Variants in LRRC37A2 observed in about 807,000 individuals in gnomAD.
LRRC37A2 encodes leucine rich repeat containing 37 member A2.
LRRC37A2 carries 9 observed loss-of-function variants against 68.8 expected under a neutral mutation model. That is an observed-to-expected ratio of 0.13 (90% confidence interval 0.08 to 0.23). The LOEUF is 0.23. Among genes scored for constraint, LRRC37A2 ranks in the 10% least tolerant of loss-of-function variants. LRRC37A2 has a pLI of 1.00. For missense variants in LRRC37A2, 168 were observed against 950.4 expected, an observed-to-expected ratio of 0.18 and a Z score of 10.82; for synonymous variants, 63 against 367.6, an observed-to-expected ratio of 0.17 and a Z score of 9.48.
chr17:46,725,732 G>T, the LRRC37A2 span, among the ~76,000 whole-genome samples: 3 of 152,092 alleles, frequency 2.0e-5, no homozygotes, highest in Non-Finnish European at 2.9e-5. Context: ...ATCTTGGTGT[G>T]CTGAGGTTGG....
the LRRC37A2 span, among the ~76,000 whole-genome samples, chr17:46,610,196 C>T: frequency 1.0e-5 from 1 of 97,682 alleles, no homozygotes; most frequent in Non-Finnish European, 2.2e-5. Context: ...GAACTCCTGG[C>T]CTCAAATGAT....
the LRRC37A2 span, chr17:46,770,170 C>T: frequency 7.5e-7 from 1 of 1,336,292 alleles, no homozygotes; most frequent in Non-Finnish European, 9.9e-7. Context: ...AGCTCACCAG[C>T]CCTGAGGCAA....
chr17:46,462,002 A>T, the LRRC37A2 span, among the ~76,000 whole-genome samples: 103 of 80,874 alleles, frequency 1.3e-3, 26 homozygotes, highest in African/African-American at 3.4e-3. Context: ...CATGTCAAAA[A>T]AAAAAAAAGA....
At chr17:46,931,711 C>T in the LRRC37A2 span, 1 of 351,728 alleles carries the variant, frequency 2.8e-6, no homozygotes, top group Non-Finnish European at 5.2e-6. Flanking sequence ...GATGCTTTAC[C>T]TCAAAGATGC....
the LRRC37A2 span, among the ~76,000 whole-genome samples, chr17:46,890,489 C>CACTG: frequency 2.6e-5 from 4 of 152,106 alleles, no homozygotes; most frequent in African/African-American, 9.7e-5. Flanking sequence ...CATCCCAGGA[C>CACTG]CCTCGAGGTA....
the LRRC37A2 span, among the ~76,000 whole-genome samples, chr17:46,817,381 C>CACCG: frequency 3.3e-5 from 5 of 152,092 alleles, no homozygotes; most frequent in African/African-American, 1.2e-4. Context: ...TCCCCCCGCC[C>CACCG]AGGCCAAGGC....
the LRRC37A2 span, chr17:46,818,627 C>A: frequency 6.4e-7 from 1 of 1,570,350 alleles, no homozygotes; most frequent in South Asian, 1.2e-5. Context: ...GAAGTTTGCC[C>A]GCGACCATGA....
the LRRC37A2 span, chr17:46,750,024 G>C: frequency 1.7e-6 from 2 of 1,190,760 alleles, no homozygotes; most frequent in Non-Finnish European, 2.4e-6. Flanking sequence ...CATGGGACCC[G>C]GGGATATTAC....
At chr17:46,808,314 C>A in the LRRC37A2 span, among the ~76,000 whole-genome samples, 2 of 152,228 alleles carry the variant, frequency 1.3e-5, no homozygotes, top group African/African-American at 4.8e-5. Context: ...GACACATCCC[C>A]AAATAAGAGA....
chr17:46,830,474 C>T, the LRRC37A2 span: 23 of 391,918 alleles, frequency 5.9e-5, no homozygotes, highest in South Asian at 5.8e-4. Context: ...GGCTGATCTC[C>T]AACTCTTGGG....
chr17:47,015,044 G>A, the LRRC37A2 span, among the ~76,000 whole-genome samples: 3 of 121,970 alleles, frequency 2.5e-5, no homozygotes, highest in Admixed American at 1.2e-4. Context: ...GTCTCACTCC[G>A]TTGTCCAGGC....
At chr17:46,738,862 G>A in the LRRC37A2 span, among the ~76,000 whole-genome samples, 3 of 152,278 alleles carry the variant, frequency 2.0e-5, no homozygotes, top group South Asian at 6.2e-4. Context: ...AGCACTTTGG[G>A]AGGCCAAGGC....
chr17:46,932,352 C>T, the LRRC37A2 span: 2 of 819,192 alleles, frequency 2.4e-6, no homozygotes, highest in African/African-American at 3.4e-5. Context: ...TGCATTGCCA[C>T]AGAGACTAGA....
At chr17:46,788,748 T>C in the LRRC37A2 span, among the ~76,000 whole-genome samples, 3 of 147,420 alleles carry the variant, frequency 2.0e-5, no homozygotes, top group Non-Finnish European at 4.4e-5. Context: ...TGCGAGGACC[T>C]CCCTGCGAGG....
At chr17:46,539,592 G>A (rs1181722897) in intron 6 of LRRC37A2, among the ~76,000 whole-genome samples, 2 of 145,738 alleles carry the variant, frequency 1.4e-5, no homozygotes, top group Non-Finnish European at 3.0e-5. Flanking sequence ...GTAAAACCCC[G>A]ACTCTACTAA....
chr17:46,777,196 C>G, the LRRC37A2 span, among the ~76,000 whole-genome samples: 4 of 151,806 alleles, frequency 2.6e-5, no homozygotes, highest in Admixed American at 2.0e-4. Context: ...GGCGACAGAG[C>G]GAGACTTCGT....
the LRRC37A2 span, chr17:46,726,615 G>C: frequency 5.6e-6 from 9 of 1,613,460 alleles, no homozygotes; most frequent in Non-Finnish European, 7.6e-6. Flanking sequence ...GAGATTGCTT[G>C]GTGAGTCCTA....
the LRRC37A2 span, chr17:46,929,437 TG>T: frequency 2.6e-6 from 2 of 782,936 alleles, no homozygotes; most frequent in Non-Finnish European, 4.7e-6. Flanking sequence ...AGTTACATGT[TG>T]GCATCAGAAA....
chr17:46,812,890 A>T, the LRRC37A2 span, among the ~76,000 whole-genome samples: 1 of 152,188 alleles, frequency 6.6e-6, no homozygotes, highest in Non-Finnish European at 1.5e-5. Context: ...TATTCACTCA[A>T]TCATTTTCAA....
Sources: gnomAD v4.1 joint callset for allele counts (sites outside exome capture counted in the v4.1 genomes callset) on GRCh38, gnomAD v4.1.1 for gene constraint, MANE v1.5 for transcripts, NCBI Gene and HGNC (gene_info 2026-07-23, HGNC 2026-07-21) for gene names.